Variants in LYPD6 observed in about 807,000 individuals in gnomAD.
The protein encoded by LYPD6 is LY6/PLAUR domain containing 6.
LYPD6 carries 15 observed loss-of-function variants against 22.7 expected under a neutral mutation model. That is an observed-to-expected ratio of 0.66 (90% CI 0.44 to 1.02). The LOEUF is 1.02. Among genes scored for constraint, LYPD6 ranks in the 50% least tolerant of loss-of-function variants. LYPD6 has a pLI of 0.00. For synonymous variants in LYPD6, 72 were observed against 77.5 expected, an observed-to-expected ratio of 0.93 and a Z score of 0.37; for missense variants, 189 against 208.4, an observed-to-expected ratio of 0.91 and a Z score of 0.57.
intron 3 of LYPD6, among the ~76,000 whole-genome samples, chr2:149,465,635 A>G (rs1030430886): frequency 1.3e-5 from 2 of 152,168 alleles, no homozygotes; most frequent in South Asian, 2.1e-4. Context: ...CATCTTATGT[A>G]TGTTTTGTTT....
At position 149,358,842 on chromosome 2, in the gene LYPD6, T is replaced by G. The variant is rs570664693; in HGVS notation, c.-72+28120T>G. ...GTGGAGGACAGGGGCACATTAATAA[T>G]TTTAAAAACCCACAAGGTGATTGTG... On this transcript the variant is annotated intron_variant, in intron 1 of 4. Transcript: ENST00000334166. 2.0e-4 allele frequency among the ~76,000 whole-genome samples: 30 copies of G among 152,208 alleles called. No individual in the cohort carries two copies. The South Asian group carries it at 3.3e-3, about 17-fold the overall frequency.
intron 3 of LYPD6, among the ~76,000 whole-genome samples, chr2:149,458,772 A>G (rs1681023111): frequency 6.6e-6 from 1 of 152,238 alleles, no homozygotes; most frequent in Non-Finnish European, 1.5e-5. Context: ...TACAATTGTA[A>G]CATAATGTAC....
intron 1 of LYPD6, among the ~76,000 whole-genome samples, chr2:149,425,166 C>G (rs1683163587): frequency 1.3e-5 from 2 of 152,084 alleles, no homozygotes. Flanking sequence ...GTCATGTCAC[C>G]TGGATCCTCT....
intron 1 of LYPD6, among the ~76,000 whole-genome samples, chr2:149,337,353 A>G (rs1404518673): frequency 6.6e-6 from 1 of 152,146 alleles, no homozygotes; most frequent in East Asian, 1.9e-4. Flanking sequence ...TTTCTCTGTA[A>G]GTTATCCTGG....
chr2:149,376,740 C>T (rs2105082627), intron 1 of LYPD6, among the ~76,000 whole-genome samples: 1 of 152,252 alleles, frequency 6.6e-6, no homozygotes, highest in East Asian at 1.9e-4. Flanking sequence ...GCAACTTAAT[C>T]CAGGGACGCA....
chr2:149,449,013 T>A, intron 2 of LYPD6, 36 bp from the exon 3 acceptor site: 1 of 1,491,592 alleles, frequency 6.7e-7, no homozygotes. Flanking sequence ...GTGCCTTGTC[T>A]AAAAATTAAT....
chr2:149,479,361 C>T, the LYPD6 span, among the ~76,000 whole-genome samples: 5 of 152,184 alleles, frequency 3.3e-5, no homozygotes, highest in Non-Finnish European at 5.9e-5. Flanking sequence ...AGTTTCCAGC[C>T]ATTTGTCAGT....
intron 1 of LYPD6, among the ~76,000 whole-genome samples, chr2:149,389,503 A>G (rs891335009): frequency 1.3e-5 from 2 of 152,176 alleles, no homozygotes; most frequent in African/African-American, 4.8e-5. Flanking sequence ...AGAGAAGCCA[A>G]AATGACCCCA....
At chr2:149,354,753 C>T (rs1426717064) in intron 1 of LYPD6, among the ~76,000 whole-genome samples, 1 of 152,098 alleles carries the variant, frequency 6.6e-6, no homozygotes, top group African/African-American at 2.4e-5. Context: ...TGTGAAAAAG[C>T]CGACATGCTT....
At chr2:149,462,857 G>C (rs939299116) in intron 3 of LYPD6, among the ~76,000 whole-genome samples, 3 of 152,008 alleles carry the variant, frequency 2.0e-5, no homozygotes, top group African/African-American at 7.2e-5. Context: ...GGCAAAAAAT[G>C]AATCTCAGCC....
At chr2:149,380,089 C>T (rs2105086410) in intron 1 of LYPD6, among the ~76,000 whole-genome samples, 1 of 152,196 alleles carries the variant, frequency 6.6e-6, no homozygotes, top group Non-Finnish European at 1.5e-5. Flanking sequence ...GGGAATCTTC[C>T]TGACAGAGGA....
intron 1 of LYPD6, among the ~76,000 whole-genome samples, chr2:149,394,098 A>G (rs191405703): frequency 5.2e-4 from 79 of 152,356 alleles, no homozygotes; most frequent in African/African-American, 1.9e-3. Context: ...AAGAGGACTT[A>G]AGACCTTCTG....
chr2:149,352,209 C>T (rs1239589558), intron 1 of LYPD6, among the ~76,000 whole-genome samples: 1 of 152,094 alleles, frequency 6.6e-6, no homozygotes, highest in Non-Finnish European at 1.5e-5. Flanking sequence ...GTGGTGCAGA[C>T]AGTAACTGCC....
chr2:149,347,866 A>G (rs1681285894), intron 1 of LYPD6, among the ~76,000 whole-genome samples: 1 of 152,132 alleles, frequency 6.6e-6, no homozygotes, highest in Non-Finnish European at 1.5e-5. Context: ...CAATGCAAGC[A>G]TAGCAACTGT....
chr2:149,392,829 G>C (rs1682342172), intron 1 of LYPD6, among the ~76,000 whole-genome samples: 1 of 152,092 alleles, frequency 6.6e-6, no homozygotes, highest in African/African-American at 2.4e-5. Context: ...TTCAAGACCA[G>C]CCTGACCAAT....
Position 149,473,767 on chromosome 2 carries a change from T to G in LYPD6, c.*2917T>G, listed in dbSNP as rs374229806. ...AGTTGTGTAGACAAGAATACATGCA[T>G]GAGAAGATACAAGACAATTCACCCA... On this transcript the variant is annotated 3_prime_UTR_variant, in exon 5 of 5. Coordinates refer to ENST00000334166, the MANE Select transcript of LYPD6 (RefSeq NM_194317.5). 7.9e-5 allele frequency: 12 copies of G among 152,254 alleles called. No individual in the cohort carries two copies. Among genetic ancestry groups the G allele is most frequent in the African/African-American group, 2.6e-4 (11 of 41,550 alleles). The allele number at this position is 152,254 out of a possible 1,614,324, so 9.4% of individuals were successfully genotyped here. A position where few individuals can be genotyped will look rare whatever the true frequency, so the allele number is the denominator to read the frequency against.
the LYPD6 span, among the ~76,000 whole-genome samples, chr2:149,480,952 A>T: frequency 6.6e-6 from 1 of 152,154 alleles, no homozygotes; most frequent in Non-Finnish European, 1.5e-5. Flanking sequence ...CTGTGGCTTC[A>T]CTGAAACTTC....
intron 3 of LYPD6, among the ~76,000 whole-genome samples, chr2:149,459,501 G>A (rs1681038965): frequency 6.6e-6 from 1 of 152,226 alleles, no homozygotes; most frequent in Admixed American, 6.5e-5. Context: ...CAGTACAACA[G>A]AATGTCCTTC....
downstream of LYPD6, among the ~76,000 whole-genome samples, chr2:149,475,543 G>A (rs1681435211): frequency 1.3e-5 from 2 of 152,148 alleles, no homozygotes; most frequent in African/African-American, 4.8e-5. Flanking sequence ...ACTCTGTCTA[G>A]CTCTTGTAAA....
Sources: allele counts gnomAD v4.1 joint callset (sites outside exome capture counted in the v4.1 genomes callset), GRCh38; gene constraint gnomAD v4.1.1; transcripts MANE v1.5; gene names NCBI Gene and HGNC (gene_info 2026-07-23, HGNC 2026-07-21).